Variants in MEAK7 observed in about 807,000 individuals in gnomAD.
The protein encoded by MEAK7 is MTOR associated protein MEAK7, also known as MTOR-associated protein MEAK7.
MEAK7 carries 68 observed loss-of-function variants against 40.5 expected under a neutral mutation model. The ratio of observed to expected loss-of-function variants is 1.68; its 90% CI spans 1.38 to 2.06. The LOEUF is 2.06. Ranked by LOEUF, MEAK7 falls within the 30% of genes most tolerant of loss-of-function variation. The probability of loss-of-function intolerance (pLI) is 0.00; values close to 1 mark genes in which losing one functional copy is unlikely to be tolerated. For missense variants in MEAK7, 918 were observed against 580.5 expected, an observed-to-expected ratio of 1.58 and a Z score of -5.98; for synonymous variants, 338 against 231.9, an observed-to-expected ratio of 1.46 and a Z score of -4.16.
intron 4 of MEAK7, chr16:84,487,697 T>C (rs1486766815): frequency 6.6e-6 from 1 of 152,460 alleles, no homozygotes; most frequent in Non-Finnish European, 1.5e-5. Flanking sequence ...CTTGGAGCCC[T>C]ATTTTCCATC....
At chr16:84,497,837 C>T (rs1008994960) in intron 2 of MEAK7, 97 bp downstream of exon 2, 1 of 1,540,672 alleles carries the variant, frequency 6.5e-7, no homozygotes, top group African/African-American at 1.4e-5. Flanking sequence ...TGCCATCCAT[C>T]CCATTACAAA....
intron 5 of MEAK7, among the ~76,000 whole-genome samples, chr16:84,483,379 G>C (rs1196044770): frequency 2.6e-5 from 4 of 152,234 alleles, no homozygotes; most frequent in Non-Finnish European, 4.4e-5. Flanking sequence ...CTCGTCCTCG[G>C]AGCTCCCAGC....
At chr16:84,480,377 T>A in intron 7 of MEAK7, 152 bp downstream of exon 7, 1 of 961,790 alleles carries the variant, frequency 1.0e-6, no homozygotes, top group Non-Finnish European at 1.5e-6. Context: ...CAGCCATGCA[T>A]CTCCTGGCAT....
intron 6 of MEAK7, among the ~76,000 whole-genome samples, chr16:84,482,100 T>TC (rs1277840697): frequency 6.6e-6 from 1 of 151,190 alleles, no homozygotes; most frequent in Non-Finnish European, 1.5e-5. Flanking sequence ...GGCCTAGGCC[T>TC]CCCCCGCTTC....
At chr16:84,504,116 C>T (rs1914706932) in intron 1 of MEAK7, 2 of 985,540 alleles carry the variant, frequency 2.0e-6, no homozygotes, top group Non-Finnish European at 2.4e-6. Context: ...TGGCCACCTA[C>T]ATGGCCTGGG....
At chr16:84,487,937 G>A (rs1015385785) in intron 4 of MEAK7, 4 of 152,128 alleles carry the variant, frequency 2.6e-5, no homozygotes, top group Admixed American at 1.3e-4. Context: ...TGACACAAAG[G>A]CCCCATTTAC....
chr16:84,487,835 G>C (rs953911189), intron 4 of MEAK7: 2 of 152,214 alleles, frequency 1.3e-5, no homozygotes, highest in African/African-American at 2.4e-5. Context: ...CTGTGCCTCA[G>C]TTTCCTCAGG....
At position 84,486,689 on chromosome 16, in the gene MEAK7, G is replaced by A. The variant is rs951602540; in HGVS notation, c.900C>T (p.Asp300=). 5.0e-6 allele frequency: 8 copies of A among 1,614,024 alleles called. No individual in the cohort carries two copies. The African/African-American group carries it at 8.0e-5, about 16-fold the overall frequency. Residue 300 remains aspartate, a synonymous_variant, in exon 5 of 8, where the codon GAC becomes GAT. Coordinates refer to ENST00000343629, the MANE Select transcript of MEAK7 (RefSeq NM_020947.4). ...GPCVAVLEDH[D]KHVFGGFASC... is the part of the protein sequence containing the mutation. ...AGGCAAACCCACCGAACACATGCTT[G>A]TCATGGTCCTCGAGGACAGCCACAC...
intron 4 of MEAK7, chr16:84,488,186 A>G (rs1219941824): frequency 1.8e-4 from 27 of 152,150 alleles, no homozygotes; most frequent in Admixed American, 1.8e-3. Flanking sequence ...GAAAACTTTA[A>G]TTTTTATTTT....
At chr16:84,493,581 T>C (rs1375284120) in intron 3 of MEAK7, among the ~76,000 whole-genome samples, 1 of 152,246 alleles carries the variant, frequency 6.6e-6, no homozygotes, top group Admixed American at 6.5e-5. Flanking sequence ...TTACAGCTTT[T>C]AACAATTAAA....
intron 5 of MEAK7, among the ~76,000 whole-genome samples, chr16:84,483,123 G>A (rs1351671922): frequency 6.6e-6 from 1 of 152,232 alleles, no homozygotes; most frequent in Non-Finnish European, 1.5e-5. Context: ...GTGACGCTGC[G>A]TAGTGCTGAC....
chr16:84,491,166 G>A (rs114935105), intron 3 of MEAK7, among the ~76,000 whole-genome samples: 2 of 152,352 alleles, frequency 1.3e-5, no homozygotes, highest in African/African-American at 2.4e-5. Context: ...GGGGCTGGGC[G>A]TGGTGGCTCA....
rs772168153 is a variant in MEAK7, at chr16:84,486,815, CA to C, written c.773del (p.Leu258ArgfsTer57). ...ACCAGCGGTGCCGCTGCTCCCGAGG[CA>C]GCTGGGCGTTGATGTACATGACAGA... is the stretch of plus-strand genomic sequence containing the variant. ...VLSVMYINAQ[L>X]PREQRHRWCL... On this transcript the variant is annotated frameshift_variant, in exon 5 of 8. Transcript: ENST00000343629. LOFTEE classifies it high-confidence loss of function. 1.2e-6 allele frequency: 2 copies of C among 1,614,028 alleles called. No individual in the cohort carries two copies. Among genetic ancestry groups the C allele is most frequent in the Admixed American group, 3.3e-5 (2 of 60,022 alleles).
intron 1 of MEAK7, among the ~76,000 whole-genome samples, chr16:84,501,714 G>C (rs1034869036): frequency 9.2e-5 from 14 of 152,248 alleles, no homozygotes; most frequent in African/African-American, 3.1e-4. Flanking sequence ...AGTGAGGTGG[G>C]AAGGTGGGCA....
intron 1 of MEAK7, among the ~76,000 whole-genome samples, chr16:84,501,201 G>C (rs573135285): frequency 3.0e-4 from 46 of 151,950 alleles, no homozygotes; most frequent in African/African-American, 1.1e-3. Context: ...AGTGGAAAAG[G>C]TCCCAAAGGT....
intron 2 of MEAK7, 45 bp from the exon 3 acceptor site, chr16:84,495,958 TG>T: frequency 6.3e-7 from 1 of 1,596,108 alleles, no homozygotes; most frequent in Non-Finnish European, 8.6e-7. Flanking sequence ...GTGCACAAGT[TG>T]AACTTGGTTA....
chr16:84,495,676 T>G lies in MEAK7; in HGVS notation c.384+7A>C. 6.2e-7 allele frequency: 1 copy of G among 1,614,114 alleles called. No individual in the cohort carries two copies. Among genetic ancestry groups the G allele is most frequent in the South Asian group, 1.1e-5 (1 of 91,066 alleles). On this transcript the variant is annotated splice_region_variant and intron_variant, in intron 3 of 7. Coordinates refer to ENST00000343629, the MANE Select transcript of MEAK7 (RefSeq NM_020947.4). ...GGAGGCTGCAAAGGACCTCGCGGCCTCACTACCTTTTGGACTTCTCTGGCC... is the reference window on the plus strand; with the variant it reads ...GGAGGCTGCAAAGGACCTCGCGGCCGCACTACCTTTTGGACTTCTCTGGCC...
chr16:84,478,563 G>C lies in MEAK7; in HGVS notation c.*1350C>G, dbSNP rs34821344. The C allele has an allele frequency of 5.1e-4, 78 of 152,328 alleles. 2 individuals carry two copies. The highest frequency in any genetic ancestry group is 4.8e-3 in the Admixed American group (73 of 15,304). 9.4% of individuals were successfully genotyped at this position (152,328 alleles called of 1,614,324 possible). ...ACAAAAGGAAGAGGTATATATCTTA[G>C]AGACAAGCTCACAGCACCTTTAAGT... On this transcript the variant is annotated 3_prime_UTR_variant, in exon 8 of 8. Coordinates refer to ENST00000343629, the MANE Select transcript of MEAK7 (RefSeq NM_020947.4).
intron 3 of MEAK7, among the ~76,000 whole-genome samples, chr16:84,492,736 C>A (rs371934659): frequency 1.3e-5 from 2 of 152,000 alleles, no homozygotes; most frequent in Admixed American, 6.6e-5. Flanking sequence ...TGTGTGCCAC[C>A]ACGCCTGGCC....
Sources: gnomAD v4.1 joint callset for allele counts (sites outside exome capture counted in the v4.1 genomes callset) on GRCh38, gnomAD v4.1.1 for gene constraint, MANE v1.5 for transcripts, NCBI Gene and HGNC (gene_info 2026-07-23, HGNC 2026-07-21) for gene names.